NFE2L3: variants seen among roughly 807,000 people sequenced by gnomAD.
The protein encoded by NFE2L3 is nuclear factor erythroid 2-related factor 3.
Under a neutral mutation model 23.5 loss-of-function variants are expected in NFE2L3, and 18 were observed. The ratio of observed to expected loss-of-function variants is 0.77; its 90% CI spans 0.53 to 1.13. NFE2L3 has a LOEUF of 1.13. Among genes scored for constraint, NFE2L3 ranks in the 50% most tolerant of loss-of-function variants. The pLI is 0.00. For missense variants in NFE2L3, 1,152 were observed against 877.2 expected (o/e 1.31, Z -3.96); for synonymous variants, 424 against 354.5 (o/e 1.20, Z -2.20).
intron 1 of NFE2L3, among the ~76,000 whole-genome samples, chr7:26,173,039 A>C (rs908836134): frequency 6.6e-6 from 1 of 150,734 alleles, no homozygotes; most frequent in African/African-American, 2.4e-5. Flanking sequence ...TTTTTCCTTC[A>C]TTTATTTGTT....
At chr7:26,172,694 A>G (rs762866700) in intron 1 of NFE2L3, among the ~76,000 whole-genome samples, 4 of 152,180 alleles carry the variant, frequency 2.6e-5, no homozygotes, top group African/African-American at 4.8e-5. Context: ...TGTTTCCTCA[A>G]TGATTAGATT....
At chr7:26,181,887 A>G (rs1279267123) in intron 2 of NFE2L3, among the ~76,000 whole-genome samples, 9 of 152,206 alleles carry the variant, frequency 5.9e-5, no homozygotes, top group African/African-American at 2.2e-4. Flanking sequence ...GGAAAAGGGT[A>G]AGTTGGAAGA....
rs1335560080 is a variant in NFE2L3, at chr7:26,185,078, C to G, written c.1380C>G (p.Asp460Glu). Residue 460 changes from aspartate (D) to glutamate (E), a missense_variant, in exon 4 of 4, where the codon GAC (aspartate) becomes GAG (glutamate). Physicochemically the swap from Asp to Glu is conservative, Grantham distance 45. Transcript: ENST00000056233. ...CTDHESSSHH[D>E]LEGAVGGYYP... is the part of the protein sequence containing the mutation. ...ACCATGAATCTAGTTCCCATCATGA[C>G]TTAGAAGGTGCTGTAGGTGGCTACT... 1.2e-6 allele frequency: 2 copies of G among 1,613,848 alleles called. No individual in the cohort carries two copies. Among genetic ancestry groups the G allele is most frequent in the Non-Finnish European group, 1.7e-6 (2 of 1,179,812 alleles).
In NFE2L3 at chr7:26,152,933, C is replaced by T. The variant is rs910413427; in HGVS notation, c.435C>T (p.Gly145=). ...GAGGAGCCGGCGCCAGCGTGGACGG[C>T]GGCAGCCAGGCTGTGCAGGGGGGCG... ...STGGAGASVD[G]GSQAVQGGGG... Residue 145 remains glycine, a synonymous_variant, in exon 1 of 4, where the codon GGC becomes GGT. Coordinates refer to ENST00000056233, the MANE Select transcript of NFE2L3 (RefSeq NM_004289.7). The surrounding 1 kb of genome is among the most constrained non-coding windows in gnomAD (Gnocchi z 4.4). The T allele has an allele frequency of 5.7e-5, 82 of 1,439,972 alleles. No homozygotes were observed. The highest frequency in any genetic ancestry group is 7.5e-5 in the African/African-American group (5 of 66,852). 89.2% of individuals were successfully genotyped at this position (1,439,972 alleles called of 1,614,324 possible).
In NFE2L3 at chr7:26,158,838, T is replaced by G. The variant is rs536082398; in HGVS notation, c.570+5770T>G. The stretch of plus-strand genomic sequence containing the variant: ...AGATCCCAGTGCCACACTGGCTGTG[T>G]GATCTGGGGCACACTTCTTAAGTGC... On this transcript the variant is annotated intron_variant, in intron 1 of 3. Coordinates refer to ENST00000056233, the MANE Select transcript of NFE2L3 (RefSeq NM_004289.7). 1.2e-4 allele frequency among the ~76,000 whole-genome samples: 19 copies of G among 152,296 alleles called. No individual in the cohort carries two copies. The South Asian group carries it at 3.9e-3, about 32-fold the overall frequency.
At chr7:26,179,759 TCA>T in intron 2 of NFE2L3, among the ~76,000 whole-genome samples, 1 of 152,240 alleles carries the variant, frequency 6.6e-6, no homozygotes, top group South Asian at 2.1e-4. Context: ...GCATCTTTCC[TCA>T]GTTTTGTGTG....
At position 26,186,157 on chromosome 7, in the gene NFE2L3, G is replaced by A. The variant is rs1239032669; in HGVS notation, c.*374G>A. 6.0e-6 allele frequency: 1 copy of A among 165,782 alleles called. No homozygotes were observed. The highest frequency in any genetic ancestry group is 1.7e-4 in the East Asian group (1 of 5,884). 10.3% of individuals were successfully genotyped at this position (165,782 alleles called of 1,614,324 possible). A position where few individuals can be genotyped will look rare whatever the true frequency, so the allele number is the denominator to read the frequency against. ...TCAAATTATTTTAAGAGGTATTTCA[G>A]TTTTAAATGCAAAATAGCCTTATTT... On this transcript the variant is annotated 3_prime_UTR_variant, in exon 4 of 4. Transcript: ENST00000056233.
Position 26,186,005 on chromosome 7 carries a change from TTGTATACAAAA to T in NFE2L3, c.*224_*234del, listed in dbSNP as rs1782476683. 2 of 426,476 alleles carry T rather than the reference TTGTATACAAAA, an allele frequency of 4.7e-6. No individual in the cohort carries two copies. The allele number at this position is 426,476 out of a possible 1,614,324, so 26.4% of individuals were successfully genotyped here. A position where few individuals can be genotyped will look rare whatever the true frequency, so the allele number is the denominator to read the frequency against. The stretch of plus-strand genomic sequence containing the variant: ...GAGCCACAACTTTTCATGAAGTGCA[TTGTATACAAAA>T]TTCATAGTTATGTCCAAAGAATAGG... On this transcript the variant is annotated 3_prime_UTR_variant, in exon 4 of 4. Coordinates refer to ENST00000056233, the MANE Select transcript of NFE2L3 (RefSeq NM_004289.7).
In NFE2L3 at chr7:26,152,433, A is replaced by G; in HGVS notation, c.-66A>G. ...GCGGCGCGCGGGGTCCGCACGTGTC[A>G]CCCCGGCGGCTGGGGCGCCGGGACC... On this transcript the variant is annotated 5_prime_UTR_variant, in exon 1 of 4. Coordinates refer to ENST00000056233, the MANE Select transcript of NFE2L3 (RefSeq NM_004289.7). The surrounding 1 kb of genome is among the most constrained non-coding windows in gnomAD (Gnocchi z 4.4). 8.8e-7 allele frequency: 1 copy of G among 1,141,310 alleles called. No individual in the cohort carries two copies. The highest frequency in any genetic ancestry group is 3.5e-5 in the East Asian group (1 of 28,548). The allele number at this position is 1,141,310 out of a possible 1,614,324, so 70.7% of individuals were successfully genotyped here.
chr7:26,154,244 A>G (rs1259181437), intron 1 of NFE2L3, among the ~76,000 whole-genome samples: 3 of 152,100 alleles, frequency 2.0e-5, no homozygotes, highest in Non-Finnish European at 1.5e-5. Flanking sequence ...TGTTCAGGAT[A>G]TACTGTGGGA....
intron 1 of NFE2L3, among the ~76,000 whole-genome samples, chr7:26,157,343 G>A (rs2049843): frequency 0.55 from 83,040 of 150,318 alleles, 23,573 homozygotes; most frequent in East Asian, 0.69. Flanking sequence ...GCTTCTGGCT[G>A]ATTTTTTTTT....
chr7:26,183,551 TAATAAAA>T, intron 2 of NFE2L3, 143 bp from the exon 3 acceptor site: 1 of 569,216 alleles, frequency 1.8e-6, no homozygotes, highest in Non-Finnish European at 3.2e-6. Context: ...TCTCAAAATA[TAATAAAA>T]AGTAGAACTT....
At chr7:26,156,415 G>A (rs1402016201) in intron 1 of NFE2L3, among the ~76,000 whole-genome samples, 4 of 152,108 alleles carry the variant, frequency 2.6e-5, no homozygotes, top group African/African-American at 9.7e-5. Flanking sequence ...CATAATTTAT[G>A]TACATATGCA....
At chr7:26,180,460 T>C (rs1784487101) in intron 2 of NFE2L3, among the ~76,000 whole-genome samples, 1 of 152,354 alleles carries the variant, frequency 6.6e-6, no homozygotes, top group Admixed American at 6.5e-5. Flanking sequence ...CCCCACAGCA[T>C]ACATACTGTA....
Position 26,185,100 on chromosome 7 carries a change from T to C in NFE2L3, c.1402T>C (p.Tyr468His), listed in dbSNP as rs753129380. 3.7e-6 allele frequency: 6 copies of C among 1,613,902 alleles called. No homozygotes were observed. Among genetic ancestry groups the C allele is most frequent in the Non-Finnish European group, 5.1e-6 (6 of 1,179,844 alleles). Reference protein sequence around the residue: ...HHDLEGAVGGYYPEPSKLCHL... With the variant: ...HHDLEGAVGGHYPEPSKLCHL... Reference sequence around the variant, plus strand: ...TGACTTAGAAGGTGCTGTAGGTGGCTACTACCCAGAACCCAGTAAGCTTTG... The same window carrying C: ...TGACTTAGAAGGTGCTGTAGGTGGCCACTACCCAGAACCCAGTAAGCTTTG... The change falls in exon 4 of 4, where the codon TAC (tyrosine) becomes CAC (histidine). Residue 468 changes from tyrosine to histidine, a missense_variant. Physicochemically the swap from Tyr to His is moderately conservative, Grantham distance 83 (BLOSUM62 2). Coordinates refer to ENST00000056233, the MANE Select transcript of NFE2L3 (RefSeq NM_004289.7).
At position 26,152,644 on chromosome 7, in the gene NFE2L3, T is replaced by TGGGCGGCCC; in HGVS notation, c.149_157dup (p.Gly50_Pro52dup). 1 of 1,517,548 alleles carries TGGGCGGCCC rather than the reference T, an allele frequency of 6.6e-7. No homozygotes were observed. Among genetic ancestry groups the TGGGCGGCCC allele is most frequent in the Non-Finnish European group, 8.8e-7 (1 of 1,142,244 alleles). 94.0% of individuals were successfully genotyped at this position (1,517,548 alleles called of 1,614,324 possible). On this transcript the variant is annotated inframe_insertion, in exon 1 of 4. Coordinates refer to ENST00000056233, the MANE Select transcript of NFE2L3 (RefSeq NM_004289.7). This position sits in a 1 kb window ranked among gnomAD's most constrained non-coding sequence, Gnocchi z 4.4. ...CTGCTGCAGGACGAGCTGCTGTTCC[T>TGGGCGGCCC]GGGCGGCCCGGCCAGCTCCGCCTAC...
intron 1 of NFE2L3, among the ~76,000 whole-genome samples, chr7:26,161,914 A>T (rs1784178830): frequency 6.6e-6 from 1 of 152,136 alleles, no homozygotes; most frequent in Non-Finnish European, 1.5e-5. Flanking sequence ...AGGCCAAGAC[A>T]GGAAGATCAC....
intron 1 of NFE2L3, among the ~76,000 whole-genome samples, chr7:26,158,151 C>T (rs772525003): frequency 3.3e-5 from 5 of 152,098 alleles, no homozygotes; most frequent in Non-Finnish European, 5.9e-5. Flanking sequence ...CAGGATCGAG[C>T]GATTCTCCTG....
chr7:26,183,610 TAATACCTGGTGATCCTTTAAAGATAAAGC>T, intron 2 of NFE2L3, 62 bp from the exon 3 acceptor site: 2 of 766,356 alleles, frequency 2.6e-6, no homozygotes, highest in Non-Finnish European at 4.5e-6. Context: ...AGTGTGGAAA[TAATACCTGGTGATCCTTTAAAGATAAAGC>T]CTAAAGCCCC....
Sources: gnomAD v4.1 joint callset for allele counts (sites outside exome capture counted in the v4.1 genomes callset) on GRCh38, gnomAD v4.1.1 for gene constraint, Gnocchi (gnomAD v3.1) non-coding constraint, MANE v1.5 for transcripts, NCBI Gene and HGNC (gene_info 2026-07-23, HGNC 2026-07-21) for gene names.